MYO16: variants seen among roughly 807,000 people sequenced by gnomAD.
The protein encoded by MYO16 is unconventional myosin-XVI.
MYO16 carries 94 observed loss-of-function variants against 205.3 expected under a neutral mutation model. The observed-to-expected ratio is 0.46, with a 90% CI of 0.39 to 0.54. The LOEUF is 0.54. Ranked by LOEUF, MYO16 falls within the 20% of genes least tolerant of loss-of-function variation. The pLI, the probability that MYO16 is intolerant of heterozygous loss-of-function variation, is 0.00. For missense variants in MYO16, 2,315 were observed against 2,387.5 expected (o/e 0.97, Z 0.63); for synonymous variants, 988 against 954.0 (o/e 1.04, Z -0.66).
At chr13:108,870,242 C>A (rs1302809719) in intron 12 of MYO16, among the ~76,000 whole-genome samples, 2 of 151,864 alleles carry the variant, frequency 1.3e-5, no homozygotes, top group African/African-American at 2.4e-5. Flanking sequence ...AAATATTAAA[C>A]CTACCTTACA....
intron 1 of MYO16, among the ~76,000 whole-genome samples, chr13:108,622,833 C>G (rs1879595543): frequency 6.6e-6 from 1 of 152,012 alleles, no homozygotes; most frequent in Non-Finnish European, 1.5e-5. Context: ...GCACTGGTTT[C>G]CAAAGCCCCA....
the MYO16 span, among the ~76,000 whole-genome samples, chr13:108,567,785 C>T: frequency 3.6e-4 from 55 of 152,082 alleles, no homozygotes; most frequent in African/African-American, 1.3e-3. Context: ...GCAACAATCA[C>T]CACAATCATC....
intron 10 of MYO16, among the ~76,000 whole-genome samples, chr13:108,849,406 G>T (rs1305264411): frequency 7.9e-5 from 12 of 152,038 alleles, no homozygotes. Context: ...AGTCAGGCTG[G>T]TCTAGAACTC....
chr13:108,727,723 C>T, intron 4 of MYO16, 140 bp downstream of exon 4: 1 of 932,346 alleles, frequency 1.1e-6, no homozygotes, highest in East Asian at 2.7e-5. Flanking sequence ...CCCTAGAACA[C>T]AAGATAATTA....
At chr13:109,111,287 C>T (rs920884109) in intron 28 of MYO16, among the ~76,000 whole-genome samples, 2 of 152,138 alleles carry the variant, frequency 1.3e-5, no homozygotes, top group Non-Finnish European at 2.9e-5. Flanking sequence ...ATTCTGAGAT[C>T]AGCAGGAAGG....
chr13:109,011,715 A>G (rs1037466122), intron 22 of MYO16, among the ~76,000 whole-genome samples: 6 of 151,776 alleles, frequency 4.0e-5, no homozygotes, highest in African/African-American at 1.5e-4. Flanking sequence ...GGGTTTCACC[A>G]TGTTGGCCAG....
intron 24 of MYO16, chr13:109,048,409 A>ATT (rs932595533): frequency 3.9e-4 from 211 of 546,270 alleles, no homozygotes; most frequent in South Asian, 1.1e-3. Context: ...GAGGTGTCAG[A>ATT]TTTTTTTTTT....
chr13:108,566,591 C>T, the MYO16 span, among the ~76,000 whole-genome samples: 5 of 150,450 alleles, frequency 3.3e-5, no homozygotes, highest in African/African-American at 1.2e-4. Context: ...GAGATCATGC[C>T]GTTGCACTCC....
intron 1 of MYO16, among the ~76,000 whole-genome samples, chr13:108,638,747 A>G (rs1286630504): frequency 6.6e-6 from 1 of 152,192 alleles, no homozygotes; most frequent in Non-Finnish European, 1.5e-5. Context: ...CAAGAAATTC[A>G]CAATCGAGGA....
chr13:108,983,491 C>T (rs1280286420), intron 20 of MYO16, among the ~76,000 whole-genome samples: 4 of 152,156 alleles, frequency 2.6e-5, no homozygotes, highest in African/African-American at 4.8e-5. Flanking sequence ...AAGCTTTGAA[C>T]GTAAGATAAA....
At chr13:109,084,787 G>A (rs1888388911) in intron 27 of MYO16, among the ~76,000 whole-genome samples, 1 of 151,082 alleles carries the variant, frequency 6.6e-6, no homozygotes, top group South Asian at 2.1e-4. Flanking sequence ...GGACACTAAA[G>A]TGTCCCAAAG....
At chr13:108,972,374 ATATATAT>A (rs1884081001) in intron 20 of MYO16, among the ~76,000 whole-genome samples, 1 of 58,974 alleles carries the variant, frequency 1.7e-5, no homozygotes, top group African/African-American at 1.0e-4. Flanking sequence ...ATATATATAT[ATATATAT>A]ATATATATAT....
At chr13:108,982,744 C>T (rs1042582932) in intron 20 of MYO16, among the ~76,000 whole-genome samples, 1 of 152,058 alleles carries the variant, frequency 6.6e-6, no homozygotes, top group African/African-American at 2.4e-5. Flanking sequence ...TAATCATATC[C>T]CATCTGCCTA....
intron 10 of MYO16, among the ~76,000 whole-genome samples, chr13:108,852,582 G>C (rs936358119): frequency 2.0e-5 from 3 of 152,194 alleles, no homozygotes; most frequent in African/African-American, 7.2e-5. Flanking sequence ...CGAGAACTCT[G>C]ATTCCTAAAG....
At chr13:108,994,006 C>T (rs957801680) in intron 21 of MYO16, among the ~76,000 whole-genome samples, 5 of 152,182 alleles carry the variant, frequency 3.3e-5, no homozygotes, top group African/African-American at 1.2e-4. Context: ...TGCAACTCCA[C>T]ACCCAGACAT....
At chr13:108,636,244 C>G (rs181011344) in intron 1 of MYO16, among the ~76,000 whole-genome samples, 18 of 151,958 alleles carry the variant, frequency 1.2e-4, no homozygotes, top group Admixed American at 1.2e-3. Flanking sequence ...AGGTAAATCT[C>G]TCCTGATTAG....
intron 33 of MYO16, among the ~76,000 whole-genome samples, chr13:109,170,306 A>G (rs1878872484): frequency 6.6e-6 from 1 of 152,158 alleles, no homozygotes; most frequent in Non-Finnish European, 1.5e-5. Context: ...ATTAGTAACT[A>G]GAGAAATGTA....
At chr13:108,840,803 A>T (rs2139064175) in intron 9 of MYO16, among the ~76,000 whole-genome samples, 1 of 152,318 alleles carries the variant, frequency 6.6e-6, no homozygotes, top group East Asian at 1.9e-4. Flanking sequence ...TCGGCATTTT[A>T]AAATACATTC....
intron 27 of MYO16, among the ~76,000 whole-genome samples, chr13:109,063,252 T>G (rs1333472629): frequency 1.3e-5 from 2 of 152,172 alleles, no homozygotes; most frequent in Non-Finnish European, 2.9e-5. Flanking sequence ...GAGGATACTA[T>G]TTTGATTAAA....
Sources: gnomAD v4.1 joint callset for allele counts (sites outside exome capture counted in the v4.1 genomes callset) on GRCh38, gnomAD v4.1.1 for gene constraint, MANE v1.5 for transcripts, NCBI Gene and HGNC (gene_info 2026-07-23, HGNC 2026-07-21) for gene names.